NEK10: variants seen among roughly 807,000 people sequenced by gnomAD.
NEK10 encodes the protein NIMA related kinase 10.
A neutral mutation model predicts 159.8 loss-of-function variants in NEK10; 122 were observed. That is an observed-to-expected ratio of 0.76 (90% CI 0.66 to 0.89). The LOEUF is 0.89. NEK10 is among the 40% of genes least tolerant of loss of function. The pLI, the probability that NEK10 is intolerant of heterozygous loss-of-function variation, is 0.00. For missense variants in NEK10, 1,342 were observed against 1,323.1 expected (o/e 1.01, Z -0.22); for synonymous variants, 466 against 457.1 (o/e 1.02, Z -0.25).
At chr3:27,116,744 T>C (rs1940501550) in intron 33 of NEK10, among the ~76,000 whole-genome samples, 1 of 152,116 alleles carries the variant, frequency 6.6e-6, no homozygotes, top group African/African-American at 2.4e-5. Flanking sequence ...AGTCATCCTC[T>C]TGCCTACAGC....
chr3:27,323,786 G>C (rs1469924368), intron 5 of NEK10, among the ~76,000 whole-genome samples: 2 of 152,178 alleles, frequency 1.3e-5, no homozygotes, highest in Non-Finnish European at 2.9e-5. Flanking sequence ...AGCAAAGAAT[G>C]ATTTAGTTGC....
At chr3:27,117,300 A>G (rs1290303817) in intron 33 of NEK10, among the ~76,000 whole-genome samples, 1 of 152,178 alleles carries the variant, frequency 6.6e-6, no homozygotes, top group East Asian at 1.9e-4. Flanking sequence ...GTGTGCATGT[A>G]TCTTTATAAG....
At chr3:27,156,832 A>T (rs1945484189) in intron 30 of NEK10, among the ~76,000 whole-genome samples, 1 of 150,328 alleles carries the variant, frequency 6.7e-6, no homozygotes. Context: ...TACAAAAAAG[A>T]TACTTGCCCA....
intron 23 of NEK10, among the ~76,000 whole-genome samples, chr3:27,231,736 G>A (rs778652636): frequency 6.6e-6 from 1 of 151,592 alleles, no homozygotes; most frequent in Non-Finnish European, 1.5e-5. Flanking sequence ...CACAAATCAG[G>A]AAATATAGAG....
At chr3:27,205,382 A>C (rs2149064755) in intron 23 of NEK10, among the ~76,000 whole-genome samples, 1 of 128,928 alleles carries the variant, frequency 7.8e-6, no homozygotes, top group East Asian at 2.2e-4. Flanking sequence ...GGAACCAAAA[A>C]AGAGCCCGCA....
intron 22 of NEK10, among the ~76,000 whole-genome samples, chr3:27,274,116 T>G (rs2041586573): frequency 6.6e-6 from 1 of 152,176 alleles, no homozygotes; most frequent in Non-Finnish European, 1.5e-5. Context: ...AGGTGTTTGG[T>G]GTTGGTGTGC....
At chr3:27,326,270 G>T (rs549564198) in intron 5 of NEK10, among the ~76,000 whole-genome samples, 118 of 152,326 alleles carry the variant, frequency 7.7e-4, no homozygotes, top group Admixed American at 3.4e-3. Context: ...GCTAAAGGCA[G>T]CATGTAGCCT....
At chr3:27,278,689 CT>C in intron 22 of NEK10, 1 of 983,446 alleles carries the variant, frequency 1.0e-6, no homozygotes. Context: ...TTTTCTTTTC[CT>C]TTTTTATTTG....
intron 30 of NEK10, among the ~76,000 whole-genome samples, chr3:27,161,229 T>A (rs1031990642): frequency 4.6e-5 from 7 of 152,198 alleles, no homozygotes; most frequent in African/African-American, 1.7e-4. Context: ...ATAACAATCA[T>A]CTTAATTTCA....
chr3:27,183,076 T>C (rs1023045935), intron 26 of NEK10, among the ~76,000 whole-genome samples: 1 of 152,130 alleles, frequency 6.6e-6, no homozygotes, highest in Non-Finnish European at 1.5e-5. Context: ...ATGAATGCAA[T>C]TGGAATGTTT....
intron 22 of NEK10, among the ~76,000 whole-genome samples, chr3:27,277,553 A>G (rs1303459102): frequency 6.6e-6 from 1 of 152,156 alleles, no homozygotes; most frequent in Non-Finnish European, 1.5e-5. Context: ...ATCTCTTGCC[A>G]CATCAAACAC....
intron 30 of NEK10, among the ~76,000 whole-genome samples, chr3:27,155,241 C>T (rs1454923313): frequency 4.6e-5 from 7 of 152,094 alleles, no homozygotes; most frequent in Admixed American, 4.6e-4. Context: ...TGGTGGCTCA[C>T]ACCTGTAATC....
At chr3:27,280,916 T>C (rs892399475) in intron 22 of NEK10, among the ~76,000 whole-genome samples, 2 of 137,340 alleles carry the variant, frequency 1.5e-5, no homozygotes, top group South Asian at 4.9e-4. Context: ...ACATATGGTG[T>C]GTGTGTGTGT....
Position 27,115,959 on chromosome 3 carries a change from A to G in NEK10, c.3280T>C (p.Tyr1094His). The G allele has an allele frequency of 6.2e-7, 1 of 1,612,708 alleles. No homozygotes were observed. ...TCTTACCTGTTAGATGTAAAATTGT[A>G]ATAGCCACTTTCCTCAAGGACTTCT... is the stretch of plus-strand genomic sequence containing the variant. ...IEEVLEESGY[Y>H]NFTSNRYHSY... Residue 1094 changes from tyrosine (Y) to histidine (H), a missense_variant, in exon 35 of 36, where the codon TAC (tyrosine) becomes CAC (histidine). Transcript: ENST00000691995.
chr3:27,158,543 T>C (rs1342363252), intron 30 of NEK10, among the ~76,000 whole-genome samples: 1 of 152,152 alleles, frequency 6.6e-6, no homozygotes, highest in East Asian at 1.9e-4. Context: ...AACATAAAAA[T>C]AGATTCATAG....
intron 23 of NEK10, among the ~76,000 whole-genome samples, chr3:27,229,431 A>T (rs2120891): frequency 6.6e-5 from 10 of 152,046 alleles, no homozygotes; most frequent in African/African-American, 2.4e-4. Flanking sequence ...AAGGAACCAG[A>T]AAAGTAATTC....
At chr3:27,339,234 C>T (rs997400425) in intron 5 of NEK10, among the ~76,000 whole-genome samples, 25 of 151,998 alleles carry the variant, frequency 1.6e-4, no homozygotes, top group African/African-American at 5.3e-4. Flanking sequence ...AACTACTTTT[C>T]GTGTTTTAAT....
At chr3:27,149,959 A>T (rs1312908622) in intron 30 of NEK10, among the ~76,000 whole-genome samples, 3 of 152,230 alleles carry the variant, frequency 2.0e-5, no homozygotes, top group African/African-American at 4.8e-5. Context: ...AATAACAATG[A>T]CAGCCTTATT....
chr3:27,263,532 C>G (rs146044732), intron 22 of NEK10, among the ~76,000 whole-genome samples: 3 of 152,206 alleles, frequency 2.0e-5, no homozygotes, highest in Non-Finnish European at 2.9e-5. Flanking sequence ...ACCCCTCCCC[C>G]AGCCTCGCTG....
Sources: gnomAD v4.1 joint callset for allele counts (sites outside exome capture counted in the v4.1 genomes callset) on GRCh38, gnomAD v4.1.1 for gene constraint, MANE v1.5 for transcripts, NCBI Gene and HGNC (gene_info 2026-07-23, HGNC 2026-07-21) for gene names.